Variants in DLGAP2 observed in about 807,000 individuals in gnomAD.
DLGAP2 encodes the protein DLG associated protein 2.
A neutral mutation model predicts 100.3 loss-of-function variants in DLGAP2; 26 were observed. That is an observed-to-expected ratio of 0.26 (90% confidence interval 0.19 to 0.36). DLGAP2 has a LOEUF of 0.36. Ranked by LOEUF, DLGAP2 falls within the 10% of genes least tolerant of loss-of-function variation. DLGAP2 has a pLI of 1.00. For missense variants in DLGAP2, 1,858 were observed against 1,453.2 expected (o/e 1.28, Z -4.53); for synonymous variants, 886 against 630.1 (o/e 1.41, Z -6.08).
intron 3 of DLGAP2, among the ~76,000 whole-genome samples, chr8:1,413,953 C>T (rs946876707): frequency 1.3e-5 from 2 of 151,984 alleles, no homozygotes; most frequent in African/African-American, 4.8e-5. Flanking sequence ...GTAAGCTGTT[C>T]ACTGAAGACA....
chr8:987,244 G>C (rs1800514523), intron 2 of DLGAP2, among the ~76,000 whole-genome samples: 1 of 152,122 alleles, frequency 6.6e-6, no homozygotes, highest in Admixed American at 6.5e-5. Flanking sequence ...CAGGAAGCCT[G>C]GGCAGAGATG....
At chr8:1,252,150 A>C (rs1347500017) in intron 2 of DLGAP2, among the ~76,000 whole-genome samples, 1 of 143,340 alleles carries the variant, frequency 7.0e-6, no homozygotes, top group Non-Finnish European at 1.5e-5. Flanking sequence ...TGGTGTTGTC[A>C]CACGGGTGTG....
intron 3 of DLGAP2, among the ~76,000 whole-genome samples, chr8:1,430,009 T>TATATATGTATATATATATATATATAC (rs1797369918): frequency 1.6e-5 from 1 of 61,352 alleles, no homozygotes; most frequent in African/African-American, 8.8e-5. Context: ...TATATATACA[T>TATATATGTATATATATATATATATAC]ATATATATAT....
intron 6 of DLGAP2, among the ~76,000 whole-genome samples, chr8:1,624,704 G>A (rs1014286687): frequency 3.3e-5 from 5 of 151,988 alleles, no homozygotes; most frequent in African/African-American, 1.2e-4. Context: ...GCTGGTGCTG[G>A]TGCCGGTCCC....
intron 2 of DLGAP2, among the ~76,000 whole-genome samples, chr8:1,085,064 G>T (rs997129669): frequency 2.1e-4 from 32 of 152,210 alleles, no homozygotes; most frequent in African/African-American, 7.2e-4. Context: ...ATTCGAACAA[G>T]TGTGAGCTGA....
intron 3 of DLGAP2, among the ~76,000 whole-genome samples, chr8:1,360,713 C>T (rs752140695): frequency 1.3e-5 from 2 of 152,288 alleles, no homozygotes; most frequent in Admixed American, 6.5e-5. Flanking sequence ...CCATGGAGAT[C>T]GGTGGCCTCG....
chr8:1,540,626 C>T (rs1584906728), intron 4 of DLGAP2, among the ~76,000 whole-genome samples: 2 of 152,344 alleles, frequency 1.3e-5, no homozygotes, highest in East Asian at 1.9e-4. Flanking sequence ...GCTCTGCTGC[C>T]TTGCAGACCA....
chr8:1,144,022 G>A (rs532507290), intron 2 of DLGAP2, among the ~76,000 whole-genome samples: 2 of 152,188 alleles, frequency 1.3e-5, no homozygotes, highest in Non-Finnish European at 2.9e-5. Context: ...CCCACAAAGC[G>A]CATCTTAGTC....
intron 2 of DLGAP2, among the ~76,000 whole-genome samples, chr8:950,924 C>G (rs1265869552): frequency 6.6e-6 from 1 of 151,912 alleles, no homozygotes; most frequent in Non-Finnish European, 1.5e-5. Context: ...GCGCTCGGCC[C>G]TAGAATATTT....
chr8:1,491,331 TCCTGACCCCGGAGGCTTCGGGCCGCTCCC>T (rs1563180217), intron 3 of DLGAP2, among the ~76,000 whole-genome samples: 4 of 48,408 alleles, frequency 8.3e-5, no homozygotes, highest in Non-Finnish European at 2.6e-4. Context: ...AGGCCGCTGC[TCCTGACCCCGGAGGCTTCGGGCCGCTCCC>T]CCTGACCCCG....
intron 10 of DLGAP2, among the ~76,000 whole-genome samples, chr8:1,671,929 C>T (rs1272102781): frequency 6.6e-6 from 1 of 152,276 alleles, no homozygotes; most frequent in African/African-American, 2.4e-5. Flanking sequence ...TGAGCTACCT[C>T]GGAGACGTCC....
At chr8:1,549,772 C>A in intron 5 of DLGAP2, 89 bp downstream of exon 5, 1 of 1,325,080 alleles carries the variant, frequency 7.5e-7, no homozygotes, top group Non-Finnish European at 1.0e-6. Flanking sequence ...ATAACAACTG[C>A]ATACACATTT....
intron 2 of DLGAP2, among the ~76,000 whole-genome samples, chr8:938,481 G>A (rs1799122284): frequency 6.6e-6 from 1 of 152,216 alleles, no homozygotes; most frequent in Admixed American, 6.5e-5. Context: ...TGGACCCTGA[G>A]CAGGCTGTAG....
chr8:1,203,159 T>C (rs1797916601), intron 2 of DLGAP2, among the ~76,000 whole-genome samples: 1 of 152,196 alleles, frequency 6.6e-6, no homozygotes, highest in Admixed American at 6.5e-5. Flanking sequence ...TTGAGGTCTG[T>C]TATTCCTATT....
chr8:1,210,971 C>A (rs1312426052), intron 2 of DLGAP2, among the ~76,000 whole-genome samples: 3 of 152,234 alleles, frequency 2.0e-5, no homozygotes, highest in Admixed American at 2.0e-4. Flanking sequence ...CAGATCCTCC[C>A]CAACGTCCAG....
At chr8:1,098,687 G>A (rs866469713) in intron 2 of DLGAP2, among the ~76,000 whole-genome samples, 684 of 82,022 alleles carry the variant, frequency 8.3e-3, no homozygotes, top group South Asian at 0.021. Flanking sequence ...CCGCCCACGG[G>A]CGCCGCCACC....
intron 2 of DLGAP2, among the ~76,000 whole-genome samples, chr8:1,041,208 G>C (rs948961929): frequency 2.0e-5 from 3 of 152,166 alleles, no homozygotes; most frequent in African/African-American, 7.2e-5. Context: ...CACCCATGTT[G>C]TATCTGCCAC....
In DLGAP2 at chr8:1,549,080, G is replaced by A. The variant is rs760729156; in HGVS notation, c.627G>A (p.Thr209=). 1.1e-5 allele frequency: 18 copies of A among 1,587,028 alleles called. No homozygotes were observed. Among genetic ancestry groups the A allele is most frequent in the Admixed American group, 1.8e-5 (1 of 56,380 alleles). ...CGCTGCACCGGGACGGCTTCCACAC[G>A]CTGCAGTACCAGAGGACGTCCGCGG... ...QLPLHRDGFH[T]LQYQRTSAAA... The change falls in exon 5 of 15, where the codon ACG becomes ACA. Residue 209 remains threonine, a synonymous_variant. Coordinates refer to ENST00000637795, the MANE Select transcript of DLGAP2 (RefSeq NM_001346810.2).
intron 2 of DLGAP2, among the ~76,000 whole-genome samples, chr8:1,206,441 C>T (rs13253263): frequency 8.6e-4 from 122 of 141,992 alleles, no homozygotes; most frequent in Middle Eastern, 3.6e-3. Flanking sequence ...TCCAGCCATC[C>T]GTGGACTGGG....
Sources: gnomAD v4.1 joint callset for allele counts (sites outside exome capture counted in the v4.1 genomes callset) on GRCh38, gnomAD v4.1.1 for gene constraint, MANE v1.5 for transcripts, NCBI Gene and HGNC (gene_info 2026-07-23, HGNC 2026-07-21) for gene names.